PRKD1: variants seen among roughly 807,000 people sequenced by gnomAD.
The protein encoded by PRKD1 is protein kinase D1.
A neutral mutation model predicts 95.9 loss-of-function variants in PRKD1; 63 were observed. That is an observed-to-expected ratio of 0.66 (90% CI 0.54 to 0.81). The LOEUF (loss-of-function observed/expected upper bound fraction) is 0.81. Ranked by LOEUF, PRKD1 falls within the 30% of genes least tolerant of loss-of-function variation. The pLI, the probability that PRKD1 is intolerant of heterozygous loss-of-function variation, is 0.00. For synonymous variants in PRKD1, 425 were observed against 423.1 expected (o/e 1.00, Z -0.05); for missense variants, 1,048 against 1,165.3 (o/e 0.90, Z 1.47).
intron 4 of PRKD1, among the ~76,000 whole-genome samples, chr14:29,654,346 A>G (rs1271649438): frequency 6.6e-6 from 1 of 151,584 alleles, no homozygotes; most frequent in Non-Finnish European, 1.5e-5. Context: ...TAATTTTTCT[A>G]TGTTTTTAGT....
rs772085148 is a variant in PRKD1, at chr14:29,638,824, A to G, written c.777T>C (p.Leu259=). ...SQSYIGRPIH[L]DKILMSKVKV... is the part of the protein sequence containing the mutation. The stretch of plus-strand genomic sequence containing the variant: ...TAACTTTAGACATCAAAATCTTGTC[A>G]AGGTGAATTGGTCGTCCAATGTATG... The change falls in exon 5 of 18, where the codon CTT becomes CTC. Residue 259 remains leucine (L), a synonymous_variant. Transcript: ENST00000331968. The G allele has an allele frequency of 1.1e-5, 18 of 1,609,542 alleles. No homozygotes were observed. The highest frequency in any genetic ancestry group is 1.4e-5 in the Non-Finnish European group (17 of 1,177,634).
At chr14:29,617,267 TCTAA>T (rs1878932692) in intron 13 of PRKD1, among the ~76,000 whole-genome samples, 1 of 152,206 alleles carries the variant, frequency 6.6e-6, no homozygotes, top group African/African-American at 2.4e-5. Context: ...TAGGCTTGTC[TCTAA>T]CTTTTAGCCT....
At chr14:29,631,507 T>TG (rs1880003641) in intron 9 of PRKD1, among the ~76,000 whole-genome samples, 1 of 152,110 alleles carries the variant, frequency 6.6e-6, no homozygotes, top group South Asian at 2.1e-4. Context: ...GGTCTTTTTT[T>TG]TTTTTTTTCC....
intron 1 of PRKD1, among the ~76,000 whole-genome samples, chr14:29,922,768 C>T (rs1477400240): frequency 6.6e-6 from 1 of 151,972 alleles, no homozygotes; most frequent in African/African-American, 2.4e-5. Context: ...CACTTGTAGT[C>T]CCAAACACTT....
chr14:29,639,809 G>A (rs1880643320), intron 4 of PRKD1, among the ~76,000 whole-genome samples: 1 of 151,964 alleles, frequency 6.6e-6, no homozygotes, highest in Non-Finnish European at 1.5e-5. Context: ...ATATAAAAGT[G>A]GATGTTTTGG....
At chr14:29,585,937 C>A (rs1220067606) in intron 16 of PRKD1, among the ~76,000 whole-genome samples, 1 of 152,172 alleles carries the variant, frequency 6.6e-6, no homozygotes, top group Non-Finnish European at 1.5e-5. Flanking sequence ...TACAGTTGAG[C>A]ATGACTGTGC....
At chr14:29,642,464 AACTC>A (rs1159247661) in intron 4 of PRKD1, among the ~76,000 whole-genome samples, 10 of 152,340 alleles carry the variant, frequency 6.6e-5, no homozygotes, top group African/African-American at 2.4e-4. Flanking sequence ...ACTTTTAAAA[AACTC>A]ACTGATCTTT....
chr14:29,785,501 T>C lies in PRKD1; in HGVS notation c.265-59827A>G, dbSNP rs1263440817. Among the ~76,000 whole-genome samples, 4 of 152,154 alleles carry C rather than the reference T, an allele frequency of 2.6e-5. No individual in the cohort carries two copies. The East Asian group carries it at 7.7e-4, about 29-fold the overall frequency. ...TTTGTCTATATATAAGATCACGTCA[T>C]CTGCAAAGAGGGACAATTTGACTTC... On this transcript the variant is annotated intron_variant, in intron 1 of 17. Coordinates refer to ENST00000331968, the MANE Select transcript of PRKD1 (RefSeq NM_002742.3).
chr14:29,652,548 T>C (rs1335734577), intron 4 of PRKD1, among the ~76,000 whole-genome samples: 1 of 152,188 alleles, frequency 6.6e-6, no homozygotes, highest in Admixed American at 6.5e-5. Flanking sequence ...AACTCACTAC[T>C]GCACATAGTC....
chr14:29,719,361 G>A (rs1566559355), intron 2 of PRKD1, among the ~76,000 whole-genome samples: 1 of 152,124 alleles, frequency 6.6e-6, no homozygotes, highest in Non-Finnish European at 1.5e-5. Flanking sequence ...ATGAGGAAGA[G>A]GATGATAATG....
At chr14:29,646,562 T>C (rs915323094) in intron 4 of PRKD1, among the ~76,000 whole-genome samples, 2 of 151,914 alleles carry the variant, frequency 1.3e-5, no homozygotes, top group Non-Finnish European at 2.9e-5. Flanking sequence ...GATAGATAGA[T>C]AGATAGATAA....
At chr14:29,676,180 T>TTTTTGTTTTTTTG (rs1555334429) in intron 2 of PRKD1, among the ~76,000 whole-genome samples, 1 of 116,704 alleles carries the variant, frequency 8.6e-6, no homozygotes, top group African/African-American at 4.1e-5. Flanking sequence ...TCATTACGTT[T>TTTTTGTTTTTTTG]TTGTTTTTTT....
chr14:29,635,540 A>C (rs1880309709), intron 7 of PRKD1, among the ~76,000 whole-genome samples: 1 of 152,260 alleles, frequency 6.6e-6, no homozygotes, highest in South Asian at 2.1e-4. Context: ...TTGTCAATAA[A>C]CATGGCATTC....
chr14:29,723,341 T>C (rs1474947857), intron 2 of PRKD1, among the ~76,000 whole-genome samples: 1 of 151,764 alleles, frequency 6.6e-6, no homozygotes, highest in East Asian at 1.9e-4. Flanking sequence ...TGGAGGAAAA[T>C]AAGAGGCAAA....
intron 1 of PRKD1, among the ~76,000 whole-genome samples, chr14:29,822,108 C>T (rs2139271797): frequency 6.6e-6 from 1 of 152,230 alleles, no homozygotes; most frequent in South Asian, 2.1e-4. Flanking sequence ...TAATGCACTG[C>T]CCAGATCTTC....
intron 1 of PRKD1, among the ~76,000 whole-genome samples, chr14:29,906,882 CTT>C (rs949875528): frequency 6.6e-6 from 1 of 152,226 alleles, no homozygotes; most frequent in African/African-American, 2.4e-5. Context: ...TCTCCAAAGA[CTT>C]TATTGTTTCC....
chr14:29,810,641 T>C (rs1255684510), intron 1 of PRKD1, among the ~76,000 whole-genome samples: 1 of 152,260 alleles, frequency 6.6e-6, no homozygotes, highest in Non-Finnish European at 1.5e-5. Flanking sequence ...GCAGTTTCAA[T>C]GTTATTTAAA....
intron 14 of PRKD1, 30 bp from the exon 15 acceptor site, chr14:29,599,155 C>A (rs780716694): frequency 6.4e-7 from 1 of 1,571,396 alleles, no homozygotes; most frequent in East Asian, 2.2e-5. Context: ...AAATTTCATT[C>A]CAGTTTATTA....
At chr14:29,748,677 T>C (rs1309943462) in intron 1 of PRKD1, among the ~76,000 whole-genome samples, 2 of 152,234 alleles carry the variant, frequency 1.3e-5, no homozygotes, top group Non-Finnish European at 2.9e-5. Flanking sequence ...TTCACTGCTG[T>C]ATCCAGCACC....
Sources: allele counts gnomAD v4.1 joint callset (sites outside exome capture counted in the v4.1 genomes callset), GRCh38; gene constraint gnomAD v4.1.1; transcripts MANE v1.5; gene names NCBI Gene and HGNC (gene_info 2026-07-23, HGNC 2026-07-21).